Variants in CMIP observed in about 807,000 individuals in gnomAD.
CMIP encodes c-Maf inducing protein.
A neutral mutation model predicts 97.3 loss-of-function variants in CMIP; 13 were observed. The ratio of observed to expected loss-of-function variants is 0.13; its 90% CI spans 0.09 to 0.21. The LOEUF (loss-of-function observed/expected upper bound fraction) is 0.21. Ranked by LOEUF, CMIP falls within the 10% of genes least tolerant of loss-of-function variation. The probability of loss-of-function intolerance (pLI) is 1.00; values close to 1 mark genes in which losing one functional copy is unlikely to be tolerated. For synonymous variants in CMIP, 538 were observed against 436.3 expected (o/e 1.23, Z -2.91); for missense variants, 847 against 1,024.9 (o/e 0.83, Z 2.37).
chr16:81,640,941 C>CA (rs1345546417), intron 3 of CMIP, among the ~76,000 whole-genome samples: 1 of 152,136 alleles, frequency 6.6e-6, no homozygotes, highest in Non-Finnish European at 1.5e-5. Flanking sequence ...TTTGGGCAGA[C>CA]ACAGTCCAAC....
intron 1 of CMIP, among the ~76,000 whole-genome samples, chr16:81,589,493 T>C (rs1212232015): frequency 6.6e-6 from 1 of 152,086 alleles, no homozygotes; most frequent in African/African-American, 2.4e-5. Context: ...GTTTTTTTTT[T>C]TTTTTTCCAC....
At chr16:81,669,622 C>T (rs1161133010) in intron 7 of CMIP, among the ~76,000 whole-genome samples, 1 of 147,298 alleles carries the variant, frequency 6.8e-6, no homozygotes, top group Non-Finnish European at 1.5e-5. Context: ...TCCGCACCAA[C>T]CTCTCACCTC....
chr16:81,504,558 G>A (rs557688286), intron 1 of CMIP, among the ~76,000 whole-genome samples: 3 of 139,780 alleles, frequency 2.1e-5, no homozygotes, highest in Admixed American at 7.9e-5. Flanking sequence ...CAGGAGAATC[G>A]CTTGAACCCA....
intron 2 of CMIP, chr16:81,618,491 G>A (rs2091950814): frequency 6.6e-6 from 1 of 152,208 alleles, no homozygotes. Flanking sequence ...ATGTTTAGGG[G>A]GCTTTATTTT....
intron 7 of CMIP, among the ~76,000 whole-genome samples, chr16:81,667,799 A>AGAGAGTGTGTGTGTGTGTGT: frequency 6.9e-5 from 4 of 58,096 alleles, no homozygotes; most frequent in Non-Finnish European, 1.3e-4. Context: ...AGAGAGAGAG[A>AGAGAGTGTGTGTGTGTGTGT]GTGTGTGTGT....
At chr16:81,685,693 C>T (rs1366923870) in intron 10 of CMIP, among the ~76,000 whole-genome samples, 3 of 151,428 alleles carry the variant, frequency 2.0e-5, no homozygotes, top group Middle Eastern at 3.2e-3. Context: ...TACAGGTGCA[C>T]ACCACCTGCC....
At chr16:81,547,860 G>C (rs2090577194) in intron 1 of CMIP, among the ~76,000 whole-genome samples, 1 of 152,166 alleles carries the variant, frequency 6.6e-6, no homozygotes, top group Admixed American at 6.5e-5. Flanking sequence ...TTGTGCCCCA[G>C]GGCCAGGTGC....
chr16:81,447,891 C>T (rs766823210), intron 1 of CMIP, among the ~76,000 whole-genome samples: 6 of 152,156 alleles, frequency 3.9e-5, no homozygotes, highest in South Asian at 4.1e-4. Context: ...CCAGGGCTCT[C>T]GTCCCATCAT....
chr16:81,659,348 G>T (rs1211560933), intron 5 of CMIP, among the ~76,000 whole-genome samples: 1 of 151,934 alleles, frequency 6.6e-6, no homozygotes, highest in Non-Finnish European at 1.5e-5. Flanking sequence ...AAGGGCTGAG[G>T]TTTGTTCTGG....
intron 1 of CMIP, among the ~76,000 whole-genome samples, chr16:81,487,042 C>T (rs992244184): frequency 2.0e-5 from 3 of 152,344 alleles, no homozygotes; most frequent in East Asian, 1.9e-4. Flanking sequence ...GGCGCAGCTT[C>T]GTTTCTCTGG....
intron 1 of CMIP, among the ~76,000 whole-genome samples, chr16:81,516,909 GA>G (rs1350542140): frequency 2.0e-5 from 3 of 152,182 alleles, no homozygotes; most frequent in Admixed American, 1.3e-4. Context: ...GGTCATCGGT[GA>G]AAAACCAGAC....
chr16:81,608,656 G>A (rs560909454), intron 2 of CMIP, among the ~76,000 whole-genome samples: 7 of 151,814 alleles, frequency 4.6e-5, no homozygotes, highest in Non-Finnish European at 7.4e-5. Flanking sequence ...ACACAGAGGC[G>A]GTGAGGTGCG....
chr16:81,679,605 GTGT>G (rs745317629), intron 10 of CMIP, among the ~76,000 whole-genome samples: 20 of 152,004 alleles, frequency 1.3e-4, no homozygotes, highest in Admixed American at 1.3e-4. Flanking sequence ...GTGCACATTG[GTGT>G]TGTGTGTGCC....
intron 17 of CMIP, 92 bp from the exon 18 acceptor site, chr16:81,703,847 C>A: frequency 1.4e-6 from 2 of 1,467,872 alleles, no homozygotes; most frequent in Admixed American, 4.2e-5. Context: ...CTCTGTAGGG[C>A]GAGGGGAGAG....
chr16:81,451,256 G>A (rs888741529), intron 1 of CMIP, among the ~76,000 whole-genome samples: 3 of 152,120 alleles, frequency 2.0e-5, no homozygotes, highest in Non-Finnish European at 2.9e-5. Flanking sequence ...TAAGTCTCAC[G>A]AGATCTGATG....
chr16:81,652,300 C>G lies in CMIP; in HGVS notation c.575C>G (p.Ser192Cys). The G allele has an allele frequency of 6.2e-7, 1 of 1,613,536 alleles. No homozygotes were observed. Among genetic ancestry groups the G allele is most frequent in the Non-Finnish European group, 8.5e-7 (1 of 1,179,488 alleles). The change falls in exon 4 of 21, where the codon TCC becomes TGC. Residue 192 changes from serine to cysteine, a missense_variant. Ser to Cys is a moderately radical substitution (Grantham distance 112). Around this residue, in one of 4 missense-constraint regions of CMIP, gnomAD observed 285 missense variants for 392.2 expected, o/e 0.73. Coordinates refer to ENST00000537098, the MANE Select transcript of CMIP (RefSeq NM_198390.3). The surrounding 1 kb of genome is among the most constrained non-coding windows in gnomAD (Gnocchi z 5.2). ...IRTLVDMALTSPLQDDSINQA... is the reference protein window; with the variant it reads ...IRTLVDMALTCPLQDDSINQA... ...ACCCTGGTGGACATGGCCCTGACAT[C>G]CCCCCTGCAGGATGACTCCATCAAC...
chr16:81,610,556 G>A (rs2091814545), intron 2 of CMIP: 1 of 984,836 alleles, frequency 1.0e-6, no homozygotes, highest in African/African-American at 1.7e-5. Context: ...TGCAGCCCCT[G>A]CCCCTGGCGG....
chr16:81,555,907 CT>C (rs1216344363), intron 1 of CMIP, among the ~76,000 whole-genome samples: 4 of 152,312 alleles, frequency 2.6e-5, no homozygotes, highest in Non-Finnish European at 4.4e-5. Flanking sequence ...ATACCCACCC[CT>C]GGGAGAGCTG....
intron 3 of CMIP, chr16:81,645,425 G>A (rs893285719): frequency 1.2e-5 from 18 of 1,491,060 alleles, no homozygotes; most frequent in African/African-American, 1.4e-5. Context: ...CCTGCCTGGC[G>A]CGACGTGCTT....
Sources: gnomAD v4.1 joint callset for allele counts (sites outside exome capture counted in the v4.1 genomes callset) on GRCh38, gnomAD v4.1.1 for gene constraint, gnomAD v4.1.1 regional missense constraint, Gnocchi (gnomAD v3.1) non-coding constraint, MANE v1.5 for transcripts, NCBI Gene and HGNC (gene_info 2026-07-23, HGNC 2026-07-21) for gene names.